The following TENM1 variants were observed in gnomAD, a reference collection of about 807,000 sequenced individuals.
TENM1 encodes the protein teneurin-1.
Under a neutral mutation model 174.8 loss-of-function variants are expected in TENM1, and 35 were observed. That is an observed-to-expected ratio of 0.20 (90% CI 0.15 to 0.27). The LOEUF (loss-of-function observed/expected upper bound fraction) is 0.27. TENM1 is among the 10% of genes least tolerant of loss of function. The pLI, the probability that TENM1 is intolerant of heterozygous loss-of-function variation, is 1.00. For synonymous variants in TENM1, 781 were observed against 798.7 expected, an observed-to-expected ratio of 0.98 and a Z score of 0.37; for missense variants, 1,633 against 2,130.1, an observed-to-expected ratio of 0.77 and a Z score of 4.59.
chrX:124,775,303 C>CA (rs35934307), intron 3 of TENM1, among the ~76,000 whole-genome samples: 10,249 of 50,145 alleles, frequency 0.2, 1,173 homozygotes, highest in African/African-American at 0.4. Flanking sequence ...AAGACTCCGT[C>CA]AAAAAAAAAA....
intron 11 of TENM1, among the ~76,000 whole-genome samples, chrX:124,610,332 T>C (rs2050252267): frequency 8.9e-6 from 1 of 112,179 alleles, no homozygotes; most frequent in African/African-American, 3.2e-5. Flanking sequence ...GCTTAGACAG[T>C]AGATGTTCAG....
intron 18 of TENM1, among the ~76,000 whole-genome samples, chrX:124,507,752 A>G (rs183579539): frequency 7.1e-5 from 8 of 111,973 alleles, no homozygotes; most frequent in South Asian, 3.7e-4. Context: ...TAGCCAAGGT[A>G]AAGGTGCCAT....
intron 22 of TENM1, among the ~76,000 whole-genome samples, chrX:124,478,011 CTG>C (rs2147927589): frequency 9.0e-6 from 1 of 111,367 alleles, no homozygotes; most frequent in South Asian, 3.7e-4. Flanking sequence ...ATCAGAGAAA[CTG>C]TGTAAAATAT....
chrX:125,013,100 G>C, the TENM1 span, among the ~76,000 whole-genome samples: 1 of 111,147 alleles, frequency 9.0e-6, no homozygotes, highest in Non-Finnish European at 1.9e-5. Context: ...TGTTGGCTGA[G>C]GAAGAAGCTT....
chrX:125,179,352 G>A, the TENM1 span, among the ~76,000 whole-genome samples: 3 of 110,675 alleles, frequency 2.7e-5, no homozygotes, highest in Non-Finnish European at 5.7e-5. Context: ...TAAAGGCCAG[G>A]TGCTAATCCT....
intron 20 of TENM1, among the ~76,000 whole-genome samples, chrX:124,496,030 C>G (rs1212091026): frequency 1.9e-5 from 2 of 103,145 alleles, no homozygotes; most frequent in East Asian, 6.1e-4. Context: ...AGATATAGAT[C>G]AATGGAACAG....
At chrX:125,058,562 C>G in the TENM1 span, among the ~76,000 whole-genome samples, 1 of 111,023 alleles carries the variant, frequency 9.0e-6, no homozygotes, top group African/African-American at 3.3e-5. Context: ...ATGCAGAATT[C>G]CTCAGGAGGG....
chrX:125,178,956 G>A, the TENM1 span, among the ~76,000 whole-genome samples: 2 of 107,834 alleles, frequency 1.9e-5, no homozygotes, highest in South Asian at 4.0e-4. Flanking sequence ...GGGTGAAAGC[G>A]TGAGACCCCA....
At chrX:124,480,976 C>T (rs1425534483) in intron 22 of TENM1, among the ~76,000 whole-genome samples, 1 of 110,972 alleles carries the variant, frequency 9.0e-6, no homozygotes, top group African/African-American at 3.3e-5. Context: ...GGCATATGAT[C>T]CAGAAAATCC....
chrX:125,102,919 T>G, the TENM1 span, among the ~76,000 whole-genome samples: 71 of 111,926 alleles, frequency 6.3e-4, no homozygotes, highest in African/African-American at 2.2e-3. Context: ...GAGGTGATCC[T>G]GCAAGATTAT....
At chrX:124,657,355 G>A (rs1247207104) in intron 6 of TENM1, among the ~76,000 whole-genome samples, 1 of 111,123 alleles carries the variant, frequency 9.0e-6, no homozygotes, top group Non-Finnish European at 1.9e-5. Flanking sequence ...TGCTGAGCAG[G>A]AAAAACCAAT....
At chrX:125,128,971 T>C in the TENM1 span, among the ~76,000 whole-genome samples, 13 of 111,097 alleles carry the variant, frequency 1.2e-4, no homozygotes, top group African/African-American at 3.9e-4. Context: ...AAAGAAGTAA[T>C]TAAGGTTAAA....
chrX:124,948,933 A>G (rs931447824), intron 1 of TENM1, among the ~76,000 whole-genome samples: 5 of 112,066 alleles, frequency 4.5e-5, no homozygotes, highest in African/African-American at 9.7e-5. Context: ...TGTAGTTACC[A>G]TGATAGGACT....
Position 124,695,495 on chromosome X carries a change from A to G in TENM1, c.1015+9518T>C, listed in dbSNP as rs151126921. Reference sequence around the variant, plus strand: ...TGGTAATGAAACAGAACAGAACTGAACTGACAGATTGAAATAGTAACTGAG... The same window carrying G: ...TGGTAATGAAACAGAACAGAACTGAGCTGACAGATTGAAATAGTAACTGAG... On this transcript the variant is annotated intron_variant, in intron 5 of 31. Transcript: ENST00000422452. 5.1e-3 allele frequency among the ~76,000 whole-genome samples: 570 copies of G among 111,030 alleles called. 4 individuals are homozygous for G. The highest frequency in any genetic ancestry group is 0.018 in the African/African-American group (537 of 30,584).
the TENM1 span, among the ~76,000 whole-genome samples, chrX:125,136,559 C>T: frequency 2.7e-5 from 3 of 111,404 alleles, no homozygotes; most frequent in Non-Finnish European, 5.6e-5. Flanking sequence ...GTACTGATTA[C>T]TACTATGTTA....
At chrX:124,458,066 T>A (rs2061129096) in intron 22 of TENM1, among the ~76,000 whole-genome samples, 1 of 111,846 alleles carries the variant, frequency 8.9e-6, no homozygotes. Flanking sequence ...GTCAGCTCAA[T>A]CTCCAATACT....
At chrX:125,196,810 T>C in the TENM1 span, among the ~76,000 whole-genome samples, 1 of 111,738 alleles carries the variant, frequency 8.9e-6, no homozygotes, top group South Asian at 3.7e-4. Flanking sequence ...CCTGAATTAA[T>C]CATCTCTTAG....
intron 3 of TENM1, among the ~76,000 whole-genome samples, chrX:124,886,083 A>G (rs1316428660): frequency 8.9e-6 from 1 of 111,886 alleles, no homozygotes; most frequent in East Asian, 2.8e-4. Context: ...TTGAAACATT[A>G]TTTTCAAATT....
At chrX:124,690,749 C>T (rs2052499143) in intron 5 of TENM1, among the ~76,000 whole-genome samples, 1 of 109,735 alleles carries the variant, frequency 9.1e-6, no homozygotes, top group Non-Finnish European at 1.9e-5. Flanking sequence ...GAGCCTGGCA[C>T]CTCCCTCTTC....
Sources: gnomAD v4.1 joint callset for allele counts (sites outside exome capture counted in the v4.1 genomes callset) on GRCh38, gnomAD v4.1.1 for gene constraint, MANE v1.5 for transcripts, NCBI Gene and HGNC (gene_info 2026-07-23, HGNC 2026-07-21) for gene names.